The following ACER1 variants were observed in gnomAD, a reference collection of about 807,000 sequenced individuals.
ACER1 encodes alkaline ceramidase 1, also known as CTB-180A7.3.
ACER1 carries 28 observed loss-of-function variants against 24.9 expected under a neutral mutation model. That is an observed-to-expected ratio of 1.13 (90% CI 0.83 to 1.54). The LOEUF is 1.54. Among genes scored for constraint, ACER1 ranks in the 40% most tolerant of loss-of-function variants. ACER1 has a pLI of 0.00. For missense variants in ACER1, 352 were observed against 349.3 expected, an observed-to-expected ratio of 1.01 and a Z score of -0.06; for synonymous variants, 132 against 131.4, an observed-to-expected ratio of 1.00 and a Z score of -0.03.
At chr19:6,356,661 G>A in the ACER1 span, among the ~76,000 whole-genome samples, 1 of 150,822 alleles carries the variant, frequency 6.6e-6, no homozygotes, top group Non-Finnish European at 1.5e-5. Flanking sequence ...ATATGCATCT[G>A]TAAACAATAT....
rs2091567599 is a variant in ACER1, at chr19:6,309,608, G to A, written c.488+89C>T. On this transcript the variant is annotated intron_variant, in intron 4 of 5. Coordinates refer to ENST00000301452, the MANE Select transcript of ACER1 (RefSeq NM_133492.3). ...CTACTTGTTAGTGGGTGATCTTGGA[G>A]AAGGGACGTCCCCTCCGCGAGCCTG... 5 of 1,535,608 alleles carry A rather than the reference G, an allele frequency of 3.3e-6. No homozygotes were observed. The South Asian group carries it at 5.8e-5, about 18-fold the overall frequency.
the ACER1 span, among the ~76,000 whole-genome samples, chr19:6,348,461 T>G: frequency 8.1e-6 from 1 of 123,694 alleles, no homozygotes; most frequent in African/African-American, 3.4e-5. Context: ...TGAGACTCCA[T>G]CTGGAAAAAA....
the ACER1 span, among the ~76,000 whole-genome samples, chr19:6,347,133 A>T: frequency 0.014 from 1,736 of 128,334 alleles, 62 homozygotes; most frequent in African/African-American, 0.055. Flanking sequence ...TATATATATA[A>T]AATAATAATA....
At chr19:6,325,946 T>C (rs1470447058) in intron 1 of ACER1, among the ~76,000 whole-genome samples, 1 of 151,908 alleles carries the variant, frequency 6.6e-6, no homozygotes, top group African/African-American at 2.4e-5. Context: ...TTGTTTTTCA[T>C]TGTTGTTTTT....
chr19:6,345,044 T>C, the ACER1 span, among the ~76,000 whole-genome samples: 1 of 151,866 alleles, frequency 6.6e-6, no homozygotes, highest in Non-Finnish European at 1.5e-5. Flanking sequence ...TTTTTGTATT[T>C]TTAGTAGAGA....
the ACER1 span, among the ~76,000 whole-genome samples, chr19:6,345,175 G>A: frequency 4.8e-3 from 730 of 152,150 alleles, 5 homozygotes; most frequent in African/African-American, 0.016. Flanking sequence ...GATTACAGGC[G>A]TGAGCCACCG....
the ACER1 span, among the ~76,000 whole-genome samples, chr19:6,342,258 C>CT: frequency 4.4e-4 from 49 of 112,112 alleles, no homozygotes; most frequent in Admixed American, 7.6e-4. Flanking sequence ...TATCCTAGTT[C>CT]TTTTTTTTTT....
At chr19:6,336,882 A>G (rs1215426715), upstream of ACER1, among the ~76,000 whole-genome samples, 1 of 151,538 alleles carries the variant, frequency 6.6e-6, no homozygotes, top group African/African-American at 2.4e-5. Flanking sequence ...CTGCATTCCA[A>G]ATCACTGAAC....
At chr19:6,310,016 C>A (rs2091570121) in intron 3 of ACER1, among the ~76,000 whole-genome samples, 182 bp from the exon 4 acceptor site, 1 of 151,760 alleles carries the variant, frequency 6.6e-6, no homozygotes, top group Non-Finnish European at 1.5e-5. Context: ...AATCCCAGCA[C>A]CTTGGGAGGC....
In ACER1 at chr19:6,309,889, C is replaced by T. The variant is rs1157392809; in HGVS notation, c.351-55G>A. 5 of 1,605,520 alleles carry T rather than the reference C, an allele frequency of 3.1e-6. No individual in the cohort carries two copies. In the African/African-American group the frequency reaches 6.7e-5, roughly 21 times the overall value. ...GGAAGGGAGGTCCTGGGATTGTAGG[C>T]ATGGTCACTTGGAGATCCCGTGGCC... On this transcript the variant is annotated intron_variant, in intron 3 of 5. Coordinates refer to ENST00000301452, the MANE Select transcript of ACER1 (RefSeq NM_133492.3).
the ACER1 span, among the ~76,000 whole-genome samples, chr19:6,355,777 C>G: frequency 6.8e-6 from 1 of 146,724 alleles, no homozygotes; most frequent in Non-Finnish European, 1.5e-5. Context: ...CCCGGCCAGC[C>G]GCCCCGTCCG....
At chr19:6,317,199 C>T (rs1234454060) in intron 1 of ACER1, among the ~76,000 whole-genome samples, 1 of 152,096 alleles carries the variant, frequency 6.6e-6, no homozygotes, top group Non-Finnish European at 1.5e-5. Context: ...TTTTCAAACT[C>T]CTGACCTCAA....
chr19:6,330,617 T>C (rs1052699220), intron 1 of ACER1, among the ~76,000 whole-genome samples: 18 of 150,126 alleles, frequency 1.2e-4, no homozygotes, highest in Non-Finnish European at 7.4e-5. Flanking sequence ...AGCCTCTCAG[T>C]GCCTTCTGCA....
chr19:6,340,344 GA>G, the ACER1 span, among the ~76,000 whole-genome samples: 2 of 133,342 alleles, frequency 1.5e-5, no homozygotes, highest in African/African-American at 5.8e-5. Flanking sequence ...AGGAAGGAAG[GA>G]AGGAAGGAAG....
In ACER1 at chr19:6,312,466, G is replaced by A. The variant is rs1200471750; in HGVS notation, c.127C>T (p.Leu43=). ...TACGGGTGCATCAGGAGCATCATCA[G>A]TGGCCCGAAGATGAAGAAGGGGATA... ...SNIPFFIFGP[L]MMLLMHPYAQ... Residue 43 remains leucine (L), a synonymous_variant, in exon 2 of 6, where the codon CTG becomes TTG. Transcript: ENST00000301452. The A allele has an allele frequency of 1.5e-5, 25 of 1,613,874 alleles. No individual in the cohort carries two copies. The highest frequency in any genetic ancestry group is 2.0e-5 in the Non-Finnish European group (24 of 1,180,022).
rs1380520723 is a variant in ACER1, at chr19:6,306,626, T to C, written c.*88A>G. On this transcript the variant is annotated 3_prime_UTR_variant, in exon 6 of 6. Coordinates refer to ENST00000301452, the MANE Select transcript of ACER1 (RefSeq NM_133492.3). ...GAAACAGAGGAAGGAACCACGAGTG[T>C]CCCGCAGGTGCAAGTCCTGACCGGG... is the stretch of plus-strand genomic sequence containing the variant. 91 of 1,464,288 alleles carry C rather than the reference T, an allele frequency of 6.2e-5. No individual in the cohort carries two copies. Among genetic ancestry groups the C allele is most frequent in the Non-Finnish European group, 1.7e-5 (18 of 1,080,178 alleles). 90.7% of individuals were successfully genotyped at this position (1,464,288 alleles called of 1,614,324 possible).
At chr19:6,337,313 G>T (rs1285364365), upstream of ACER1, among the ~76,000 whole-genome samples, 1 of 151,978 alleles carries the variant, frequency 6.6e-6, no homozygotes, top group Non-Finnish European at 1.5e-5. Context: ...AAAAAGAAAA[G>T]AAAAGCCCTT....
the ACER1 span, among the ~76,000 whole-genome samples, chr19:6,345,306 C>A: frequency 1.2e-4 from 19 of 152,174 alleles, no homozygotes; most frequent in Non-Finnish European, 2.5e-4. Context: ...ATGCAGCAAT[C>A]TGCAAGCTTT....
rs571786828 is a variant in ACER1 at position 6,327,362 on chromosome 19, G to A, written c.93+6097C>T. ...AGGCGGATCACAAAGTCAGGAGATCGAGACCATCCTGGCTAACACGGTGAA... is the reference window on the plus strand; with the variant it reads ...AGGCGGATCACAAAGTCAGGAGATCAAGACCATCCTGGCTAACACGGTGAA... On this transcript the variant is annotated intron_variant, in intron 1 of 5. Transcript: ENST00000301452. 6.6e-5 allele frequency among the ~76,000 whole-genome samples: 10 copies of A among 152,030 alleles called. No individual in the cohort carries two copies. In the South Asian group the frequency reaches 1.2e-3, roughly 19 times the overall value.
Sources: gnomAD v4.1 joint callset for allele counts (sites outside exome capture counted in the v4.1 genomes callset) on GRCh38, gnomAD v4.1.1 for gene constraint, MANE v1.5 for transcripts, NCBI Gene and HGNC (gene_info 2026-07-23, HGNC 2026-07-21) for gene names.